SCAF8: variants seen among roughly 807,000 people sequenced by gnomAD.
The protein encoded by SCAF8 is SR-related and CTD-associated factor 8.
In SCAF8, 23 loss-of-function variants were observed where a neutral mutation model predicts 140.5. The observed-to-expected ratio is 0.16, with a 90% CI of 0.12 to 0.23. The LOEUF (loss-of-function observed/expected upper bound fraction) is 0.23. Ranked by LOEUF, SCAF8 falls within the 10% of genes least tolerant of loss-of-function variation. SCAF8 has a pLI of 1.00. For missense variants in SCAF8, 1,397 were observed against 1,555.7 expected, an observed-to-expected ratio of 0.90 and a Z score of 1.72; for synonymous variants, 575 against 528.9, an observed-to-expected ratio of 1.09 and a Z score of -1.20.
chr6:154,817,434 A>G (rs1778286211), intron 13 of SCAF8, among the ~76,000 whole-genome samples: 2 of 152,196 alleles, frequency 1.3e-5, no homozygotes, highest in Admixed American at 6.5e-5. Context: ...ATAAGCACTA[A>G]GTTATTTTGT....
chr6:154,807,167 A>G (rs1216580683), intron 9 of SCAF8, among the ~76,000 whole-genome samples: 2 of 152,220 alleles, frequency 1.3e-5, no homozygotes, highest in Non-Finnish European at 2.9e-5. Flanking sequence ...GCTTGTAATT[A>G]GCACCATGTT....
intron 3 of SCAF8, among the ~76,000 whole-genome samples, chr6:154,786,841 C>T (rs1347888513): frequency 6.6e-6 from 1 of 152,140 alleles, no homozygotes; most frequent in Non-Finnish European, 1.5e-5. Flanking sequence ...ATGACTTAGC[C>T]AAGTTTTCCA....
chr6:154,780,062 A>C (rs1241520132), intron 3 of SCAF8, among the ~76,000 whole-genome samples: 1 of 152,156 alleles, frequency 6.6e-6, no homozygotes, highest in Non-Finnish European at 1.5e-5. Flanking sequence ...TCACATATAT[A>C]GATTCATATA....
chr6:154,783,402 T>C (rs1777141973), intron 3 of SCAF8, among the ~76,000 whole-genome samples: 1 of 152,174 alleles, frequency 6.6e-6, no homozygotes, highest in South Asian at 2.1e-4. Context: ...AGGAATAAAT[T>C]TCATCTTTCT....
intron 15 of SCAF8, 62 bp from the exon 16 acceptor site, chr6:154,822,214 C>G: frequency 2.0e-6 from 3 of 1,521,360 alleles, no homozygotes; most frequent in South Asian, 2.5e-5. Flanking sequence ...TAAATGAATA[C>G]AAAGAAGAAA....
intron 3 of SCAF8, among the ~76,000 whole-genome samples, chr6:154,783,903 C>T (rs570839701): frequency 6.6e-6 from 1 of 151,408 alleles, no homozygotes; most frequent in African/African-American, 2.4e-5. Flanking sequence ...AATCCCGTCT[C>T]TACTAATACA....
intron 1 of SCAF8, among the ~76,000 whole-genome samples, chr6:154,740,143 G>C (rs757942263): frequency 2.0e-5 from 3 of 152,002 alleles, no homozygotes; most frequent in Non-Finnish European, 4.4e-5. Flanking sequence ...ATATTAATTA[G>C]TATTATAAAG....
chr6:154,831,168 AAG>A, intron 19 of SCAF8, 28 bp downstream of exon 19: 1 of 1,392,720 alleles, frequency 7.2e-7, no homozygotes, highest in Non-Finnish European at 9.8e-7. Flanking sequence ...AATTTAAAAA[AAG>A]AGGTTGCCTC....
chr6:154,738,331 A>G (rs557655897), intron 1 of SCAF8, among the ~76,000 whole-genome samples: 1 of 152,324 alleles, frequency 6.6e-6, no homozygotes, highest in African/African-American at 2.4e-5. Context: ...TACCCTCCCT[A>G]CCATAATTTC....
At chr6:154,786,601 C>T (rs1329941154) in intron 3 of SCAF8, among the ~76,000 whole-genome samples, 1 of 152,178 alleles carries the variant, frequency 6.6e-6, no homozygotes, top group East Asian at 1.9e-4. Context: ...AAGGTTAGTT[C>T]GGCCCAGGCC....
intron 1 of SCAF8, among the ~76,000 whole-genome samples, chr6:154,765,999 C>T (rs1363983477): frequency 2.0e-5 from 3 of 151,882 alleles, no homozygotes; most frequent in African/African-American, 7.3e-5. Context: ...GTAACCTTAC[C>T]AATAACATAA....
intron 1 of SCAF8, among the ~76,000 whole-genome samples, chr6:154,769,336 C>G (rs902750388): frequency 1.3e-5 from 2 of 152,118 alleles, no homozygotes; most frequent in South Asian, 4.1e-4. Flanking sequence ...GAAAACAAAG[C>G]TTTGGTCTGC....
At chr6:154,822,975 T>C (rs947811745) in intron 16 of SCAF8, among the ~76,000 whole-genome samples, 1 of 152,202 alleles carries the variant, frequency 6.6e-6, no homozygotes, top group African/African-American at 2.4e-5. Context: ...TGATCTATTT[T>C]AAACAGAATG....
In SCAF8 at chr6:154,832,044, G is replaced by T; in HGVS notation, c.2465G>T (p.Ser822Ile). 6.2e-7 allele frequency: 1 copy of T among 1,614,042 alleles called. No homozygotes were observed. Among genetic ancestry groups the T allele is most frequent in the South Asian group, 1.1e-5 (1 of 91,078 alleles). ...ILGVQRPNVS[S>I]NSEILGVRPS... ...GGAGTCCAAAGACCAAATGTATCAAGTAATTCTGAAATTCTTGGGGTCCGG... is the reference window on the plus strand; with the variant it reads ...GGAGTCCAAAGACCAAATGTATCAATTAATTCTGAAATTCTTGGGGTCCGG... Residue 822 changes from serine to isoleucine, a missense_variant, in exon 20 of 20, where the codon AGT (serine) becomes ATT (isoleucine). Ser to Ile is a moderately radical substitution (Grantham distance 142). Coordinates refer to ENST00000367178, the MANE Select transcript of SCAF8 (RefSeq NM_014892.5).
At chr6:154,751,251 G>A (rs545488983) in intron 1 of SCAF8, among the ~76,000 whole-genome samples, 6 of 149,970 alleles carry the variant, frequency 4.0e-5, no homozygotes, top group East Asian at 1.9e-4. Flanking sequence ...TTTTTGAGAC[G>A]GAGTTTTGCT....
Position 154,810,023 on chromosome 6 carries a change from G to A in SCAF8, c.1235G>A (p.Arg412Lys). 1.2e-5 allele frequency: 19 copies of A among 1,587,276 alleles called. No homozygotes were observed. Among genetic ancestry groups the A allele is most frequent in the Non-Finnish European group, 1.6e-5 (19 of 1,173,492 alleles). Residue 412 changes from arginine (R) to lysine (K), a missense_variant, in exon 12 of 20, where the codon AGA becomes AAA. Physicochemically the swap from Arg to Lys is conservative, Grantham distance 26 (BLOSUM62 2). Coordinates refer to ENST00000367178, the MANE Select transcript of SCAF8 (RefSeq NM_014892.5). ...ATGAAAATTTTTTGTAGATCACCAAGAAAACGAAGGTCTAGGTCACGGTCT... is the reference window on the plus strand; with the variant it reads ...ATGAAAATTTTTTGTAGATCACCAAAAAAACGAAGGTCTAGGTCACGGTCT... ...THSRSRSRSPRKRRSRSRSGS... is the reference protein window; with the variant it reads ...THSRSRSRSPKKRRSRSRSGS...
Position 154,733,497 on chromosome 6 carries a change from CG to C in SCAF8, c.-400del. ...GGGCTGGTTCCTGCGGCCCGAGCGG[CG>C]GGGAGGTGAAACAGGAGCCCGTCGG... is the stretch of plus-strand genomic sequence containing the variant. On this transcript the variant is annotated 5_prime_UTR_variant, in exon 1 of 20. The change creates a premature stop within an existing upstream ORF in the 5' untranslated region. Transcript: ENST00000367178. The C allele has an allele frequency of 7.6e-7, 1 of 1,316,956 alleles. No individual in the cohort carries two copies. Among genetic ancestry groups the C allele is most frequent in the Non-Finnish European group, 9.7e-7 (1 of 1,035,310 alleles). The allele number at this position is 1,316,956 out of a possible 1,614,324, so 81.6% of individuals were successfully genotyped here.
Position 154,733,639 on chromosome 6 carries a change from G to GCCGACCCGCCC in SCAF8, c.-260_-250dup, listed in dbSNP as rs1778321487. On this transcript the variant is annotated 5_prime_UTR_variant, in exon 1 of 20. Transcript: ENST00000367178. The stretch of plus-strand genomic sequence containing the variant: ...CGGCCCAGCCCCTCCCCCGCCCGCC[G>GCCGACCCGCCC]CCGACCCGCCCCGGCAGCGCCTCTG... 9.1e-7 allele frequency: 1 copy of GCCGACCCGCCC among 1,102,946 alleles called. No homozygotes were observed. Among genetic ancestry groups the GCCGACCCGCCC allele is most frequent in the Non-Finnish European group, 1.1e-6 (1 of 893,762 alleles). The allele number at this position is 1,102,946 out of a possible 1,614,324, so 68.3% of individuals were successfully genotyped here.
rs751592064 is a variant in SCAF8 at position 154,787,732 on chromosome 6, A to T, written c.160-129A>T. ...GAAACTGATGATATTGGAGTAGTCAATGTATGAATATTCATTACCATAGCA... is the reference window on the plus strand; with the variant it reads ...GAAACTGATGATATTGGAGTAGTCATTGTATGAATATTCATTACCATAGCA... On this transcript the variant is annotated intron_variant, in intron 3 of 19. Coordinates refer to ENST00000367178, the MANE Select transcript of SCAF8 (RefSeq NM_014892.5). 1.2e-5 allele frequency: 8 copies of T among 681,078 alleles called. No individual in the cohort carries two copies. In the African/African-American group the frequency reaches 1.4e-4, roughly 12 times the overall value. The allele number at this position is 681,078 out of a possible 1,614,324, so 42.2% of individuals were successfully genotyped here.
Sources: allele counts gnomAD v4.1 joint callset (sites outside exome capture counted in the v4.1 genomes callset), GRCh38; gene constraint gnomAD v4.1.1; transcripts MANE v1.5; gene names NCBI Gene and HGNC (gene_info 2026-07-23, HGNC 2026-07-21).